The following MEF2A variants were observed in gnomAD, a reference collection of about 807,000 sequenced individuals.
MEF2A encodes myocyte-specific enhancer factor 2A.
A neutral mutation model predicts 55.8 loss-of-function variants in MEF2A; 28 were observed. The ratio of observed to expected loss-of-function variants is 0.50; its 90% confidence interval spans 0.37 to 0.69. MEF2A has a LOEUF of 0.69. MEF2A is among the 30% of genes least tolerant of loss of function. MEF2A has a pLI of 0.00. For missense variants in MEF2A, 528 were observed against 626.2 expected, an observed-to-expected ratio of 0.84 and a Z score of 1.67; for synonymous variants, 239 against 227.1, an observed-to-expected ratio of 1.05 and a Z score of -0.47.
chr15:99,679,945 A>G (rs1314330310), intron 7 of MEF2A, among the ~76,000 whole-genome samples: 1 of 152,206 alleles, frequency 6.6e-6, no homozygotes, highest in Non-Finnish European at 1.5e-5. Flanking sequence ...ACATTCATGC[A>G]CAAACTAGAG....
Position 99,668,315 on chromosome 15 carries a change from C to T in MEF2A, c.259-3008C>T, listed in dbSNP as rs990354330. On this transcript the variant is annotated intron_variant, in intron 4 of 11. Coordinates refer to ENST00000557942, the MANE Select transcript of MEF2A (RefSeq NM_001319206.4). Reference sequence around the variant, plus strand: ...ATCGGCTTAAATTGATTAATAATTACTCATTAATATTGATCTTTATAGCAG... The same window carrying T: ...ATCGGCTTAAATTGATTAATAATTATTCATTAATATTGATCTTTATAGCAG... Among the ~76,000 whole-genome samples the T allele has an allele frequency of 5.3e-5, 8 of 152,156 alleles. No individual in the cohort carries two copies. The South Asian group carries it at 6.2e-4, about 12-fold the overall frequency.
At chr15:99,622,217 C>G (rs1435051830) in intron 2 of MEF2A, among the ~76,000 whole-genome samples, 1 of 152,008 alleles carries the variant, frequency 6.6e-6, no homozygotes. Flanking sequence ...TTTTCAGTTA[C>G]CTGAGTATTC....
intron 1 of MEF2A, among the ~76,000 whole-genome samples, chr15:99,576,777 A>G (rs1964422002): frequency 6.6e-6 from 1 of 151,834 alleles, no homozygotes; most frequent in Admixed American, 6.6e-5. Context: ...AGTAGCTGGG[A>G]CTACAGGCGC....
rs67846200 is a variant in MEF2A, at chr15:99,594,459, C to CT, written c.-224-3950dup. ...GCACTCCAAACCCTGTCCTTTCTTT[C>CT]TTTTTTTTTTTTTTTTTTTTTGAAG... On this transcript the variant is annotated intron_variant, in intron 1 of 11. Coordinates refer to ENST00000557942, the MANE Select transcript of MEF2A (RefSeq NM_001319206.4). 3.4e-3 allele frequency among the ~76,000 whole-genome samples: 417 copies of CT among 124,314 alleles called. 2 individuals are homozygous for CT. The highest frequency in any genetic ancestry group is 0.014 in the East Asian group (62 of 4,376). 81.6% of individuals were successfully genotyped at this position (124,314 alleles called of 152,430 possible). A position where few individuals can be genotyped will look rare whatever the true frequency, so the allele number is the denominator to read the frequency against.
At chr15:99,600,626 TATC>T (rs1316254642) in intron 2 of MEF2A, among the ~76,000 whole-genome samples, 1 of 152,154 alleles carries the variant, frequency 6.6e-6, no homozygotes, top group Non-Finnish European at 1.5e-5. Context: ...TGAATATAGA[TATC>T]ATATTGTTCC....
intron 2 of MEF2A, among the ~76,000 whole-genome samples, chr15:99,632,209 G>A (rs1466306224): frequency 6.6e-6 from 1 of 152,172 alleles, no homozygotes; most frequent in East Asian, 1.9e-4. Context: ...ACACGAAGGT[G>A]CTGTGGTTTA....
intron 2 of MEF2A, among the ~76,000 whole-genome samples, chr15:99,609,866 A>T: frequency 6.6e-6 from 1 of 152,154 alleles, no homozygotes; most frequent in East Asian, 1.9e-4. Flanking sequence ...AAGAAAATAT[A>T]TGGCATCATT....
At chr15:99,618,671 T>C (rs2040617000) in intron 2 of MEF2A, among the ~76,000 whole-genome samples, 1 of 152,208 alleles carries the variant, frequency 6.6e-6, no homozygotes, top group Non-Finnish European at 1.5e-5. Flanking sequence ...TTTATATAGA[T>C]GTGTAGTACA....
chr15:99,569,898 T>A (rs911039163), intron 1 of MEF2A, among the ~76,000 whole-genome samples: 1 of 152,036 alleles, frequency 6.6e-6, no homozygotes, highest in East Asian at 1.9e-4. Flanking sequence ...ATGGACCTTG[T>A]GTCCAGTTTA....
At chr15:99,602,653 G>GGGGTGTGTGTGTGTGT (rs1555454713) in intron 2 of MEF2A, among the ~76,000 whole-genome samples, 1 of 44,842 alleles carries the variant, frequency 2.2e-5, no homozygotes, top group Non-Finnish European at 4.5e-5. Flanking sequence ...ACATTCCTGG[G>GGGGTGTGTGTGTGTGT]GTGTGTGTGT....
intron 1 of MEF2A, among the ~76,000 whole-genome samples, chr15:99,586,282 T>C (rs143740488): frequency 6.6e-6 from 1 of 152,330 alleles, no homozygotes; most frequent in African/African-American, 2.4e-5. Context: ...TTGTATGATT[T>C]TACAGTCCCA....
intron 4 of MEF2A, among the ~76,000 whole-genome samples, chr15:99,663,770 TAAAA>T (rs1238737307): frequency 6.6e-6 from 1 of 151,990 alleles, no homozygotes; most frequent in Non-Finnish European, 1.5e-5. Flanking sequence ...TCAACATACT[TAAAA>T]AAAAGTTTAT....
chr15:99,682,076 C>G (rs1216317949), intron 7 of MEF2A, among the ~76,000 whole-genome samples: 1 of 152,210 alleles, frequency 6.6e-6, no homozygotes, highest in Admixed American at 6.5e-5. Context: ...AGTTGGACTT[C>G]TGAAATGAAT....
Position 99,612,182 on chromosome 15 carries a change from G to A in MEF2A, c.-143+13671G>A, listed in dbSNP as rs543253414. ...TGTAATCCTAGCACTTTGGGAGGCC[G>A]AGATGGGTGGATCATGAGGTCAGGA... On this transcript the variant is annotated intron_variant, in intron 2 of 11. Coordinates refer to ENST00000557942, the MANE Select transcript of MEF2A (RefSeq NM_001319206.4). Among the ~76,000 whole-genome samples the A allele has an allele frequency of 3.9e-5, 6 of 152,232 alleles. No homozygotes were observed. The South Asian group carries it at 8.3e-4, about 21-fold the overall frequency.
chr15:99,580,605 C>T (rs186552288), intron 1 of MEF2A, among the ~76,000 whole-genome samples: 1 of 152,278 alleles, frequency 6.6e-6, no homozygotes, highest in East Asian at 1.9e-4. Flanking sequence ...TATTGCAAGT[C>T]TTACTGCTTT....
chr15:99,578,957 G>A (rs1266054075), intron 1 of MEF2A, among the ~76,000 whole-genome samples: 1 of 152,226 alleles, frequency 6.6e-6, no homozygotes, highest in Non-Finnish European at 1.5e-5. Context: ...GTGTCCTAAG[G>A]TGTGTGGCTT....
rs78106192 is a variant in MEF2A at position 99,669,197 on chromosome 15, A to G, written c.259-2126A>G. Reference sequence around the variant, plus strand: ...TGCCATTTGTGAAAATTTCAGTGATAAGCATTACAGCTTACTAAGAAGAGC... The same window carrying G: ...TGCCATTTGTGAAAATTTCAGTGATGAGCATTACAGCTTACTAAGAAGAGC... On this transcript the variant is annotated intron_variant, in intron 4 of 11. Coordinates refer to ENST00000557942, the MANE Select transcript of MEF2A (RefSeq NM_001319206.4). 3.5e-4 allele frequency among the ~76,000 whole-genome samples: 54 copies of G among 152,354 alleles called. 1 individual carries two copies. In the East Asian group the frequency reaches 8.7e-3, roughly 24 times the overall value.
chr15:99,686,424 A>AT (rs1477748985), intron 7 of MEF2A, among the ~76,000 whole-genome samples: 3 of 152,034 alleles, frequency 2.0e-5, no homozygotes, highest in Non-Finnish European at 4.4e-5. Flanking sequence ...GTAGTGGTGA[A>AT]TTCTCTCAGC....
rs193110732 is a variant in MEF2A, at chr15:99,638,705, T to A, written c.54+5532T>A. On this transcript the variant is annotated intron_variant, in intron 3 of 11. Coordinates refer to ENST00000557942, the MANE Select transcript of MEF2A (RefSeq NM_001319206.4). ...TTTTCTCCATTTTTAAGCTTTTTTT[T>A]AAATATTAGCCATAGTTATCTTTAA... 3.2e-3 allele frequency among the ~76,000 whole-genome samples: 481 copies of A among 152,256 alleles called. 4 individuals carry two copies. Among genetic ancestry groups the A allele is most frequent in the South Asian group, 6.8e-3 (33 of 4,832 alleles).
Sources: gnomAD v4.1 joint callset for allele counts (sites outside exome capture counted in the v4.1 genomes callset) on GRCh38, gnomAD v4.1.1 for gene constraint, MANE v1.5 for transcripts, NCBI Gene and HGNC (gene_info 2026-07-23, HGNC 2026-07-21) for gene names.